The following TDP1 variants were observed in gnomAD, a reference collection of about 807,000 sequenced individuals.
TDP1 encodes tyr-DNA phosphodiesterase 1.
Under a neutral mutation model 81.5 loss-of-function variants are expected in TDP1, and 64 were observed. The ratio of observed to expected loss-of-function variants is 0.79; its 90% confidence interval spans 0.64 to 0.97. TDP1 has a LOEUF of 0.97. TDP1 is among the 50% of genes least tolerant of loss of function. The pLI, the probability that TDP1 is intolerant of heterozygous loss-of-function variation, is 0.00. For missense variants in TDP1, 723 were observed against 743.8 expected (o/e 0.97, Z 0.33); for synonymous variants, 256 against 264.3 (o/e 0.97, Z 0.30).
At chr14:89,996,894 A>G (rs955961803) in intron 14 of TDP1, among the ~76,000 whole-genome samples, 6 of 152,168 alleles carry the variant, frequency 3.9e-5, no homozygotes, top group Admixed American at 2.6e-4. Context: ...CCTCCACTCA[A>G]TGAGGAATAA....
chr14:89,981,566 C>T (rs962623916), intron 8 of TDP1: 5 of 437,996 alleles, frequency 1.1e-5, no homozygotes, highest in African/African-American at 4.1e-5. Context: ...TCCAGGTTCA[C>T]GTTTTCTCTG....
intron 5 of TDP1, among the ~76,000 whole-genome samples, chr14:89,969,927 A>G (rs1349254850): frequency 7.9e-6 from 1 of 127,230 alleles, no homozygotes; most frequent in Non-Finnish European, 1.6e-5. Context: ...CCCAGGCTGG[A>G]GTGCAGTGGC....
intron 14 of TDP1, among the ~76,000 whole-genome samples, chr14:89,998,973 T>C (rs1216622864): frequency 2.0e-5 from 3 of 152,214 alleles, no homozygotes; most frequent in African/African-American, 7.2e-5. Flanking sequence ...TTTGAATTGA[T>C]TGGAATAATT....
upstream of TDP1, chr14:89,955,379 A>C (rs1020498328): frequency 6.6e-6 from 1 of 152,258 alleles, no homozygotes; most frequent in Non-Finnish European, 1.5e-5. Context: ...ACCGAGCCCA[A>C]ATCCCACAGC....
At chr14:89,997,819 T>C (rs959233560) in intron 14 of TDP1, among the ~76,000 whole-genome samples, 4 of 152,180 alleles carry the variant, frequency 2.6e-5, no homozygotes, top group African/African-American at 9.7e-5. Context: ...GTTTTATATA[T>C]ATATTCTATT....
rs1461478366 is a variant in TDP1 at position 89,967,417 on chromosome 14, G to A, written c.654G>A (p.Glu218=). ...VDWLVKQYPP[E]FRKKPILLVH... ...GGCTCGTAAAACAGTATCCACCAGA[G>A]TTCAGGTGAGTTCCTCAGGGTGACA... Residue 218 remains glutamate (E), a synonymous_variant, in exon 5 of 17, where the codon GAG becomes GAA. Coordinates refer to ENST00000335725, the MANE Select transcript of TDP1 (RefSeq NM_018319.4). The A allele has an allele frequency of 1.2e-6, 2 of 1,613,894 alleles. No individual in the cohort carries two copies. The highest frequency in any genetic ancestry group is 2.2e-5 in the East Asian group (1 of 44,862).
chr14:90,029,697 C>G (rs1224372310), intron 15 of TDP1, among the ~76,000 whole-genome samples: 1 of 151,886 alleles, frequency 6.6e-6, no homozygotes, highest in African/African-American at 2.4e-5. Flanking sequence ...CAGGGTTTCA[C>G]TATGTTGATC....
chr14:90,025,961 G>T (rs1258699319), intron 15 of TDP1, among the ~76,000 whole-genome samples: 1 of 152,206 alleles, frequency 6.6e-6, no homozygotes. Context: ...CATCTGAGAA[G>T]CCTGGATCAG....
In TDP1 at chr14:89,985,132, T is replaced by C; in HGVS notation, c.1053T>C (p.Asn351=). 1 of 1,607,754 alleles carries C rather than the reference T, an allele frequency of 6.2e-7. No individual in the cohort carries two copies. Among genetic ancestry groups the C allele is most frequent in the African/African-American group, 1.3e-5 (1 of 74,846 alleles). The change falls in exon 10 of 17, where the codon AAT becomes AAC. Residue 351 remains asparagine (N), a splice_region_variant and synonymous_variant. Transcript: ENST00000335725. ...VIHKHDLSET[N]VYLIGSTPGR... ...AACTTGTGTTTTTATGTCTTTTTAG[T>C]GTTTATCTTATTGGTTCAACCCCAG...
At chr14:89,981,710 C>T (rs1894994207) in intron 8 of TDP1, 2 of 286,340 alleles carry the variant, frequency 7.0e-6, no homozygotes, top group Non-Finnish European at 1.4e-5. Flanking sequence ...TTTTTTGAGA[C>T]GGTCTCACTC....
intron 14 of TDP1, among the ~76,000 whole-genome samples, chr14:89,999,333 G>A (rs1437821076): frequency 6.6e-6 from 1 of 152,124 alleles, no homozygotes; most frequent in African/African-American, 2.4e-5. Context: ...ACTTGCTTTA[G>A]AATAGTGAGG....
chr14:89,957,920 G>A (rs1157216834), intron 2 of TDP1, among the ~76,000 whole-genome samples: 2 of 152,180 alleles, frequency 1.3e-5, no homozygotes, highest in South Asian at 2.1e-4. Context: ...CACTCAGCCT[G>A]GCAGAATGCA....
chr14:89,975,726 T>C, intron 6 of TDP1, 55 bp from the exon 7 acceptor site: 2 of 1,408,786 alleles, frequency 1.4e-6, no homozygotes, highest in Non-Finnish European at 2.0e-6. Context: ...TAATTTCCAG[T>C]AGATATGGAT....
chr14:89,986,832 C>A (rs1022260187), intron 10 of TDP1, among the ~76,000 whole-genome samples: 2 of 152,104 alleles, frequency 1.3e-5, no homozygotes, highest in Non-Finnish European at 2.9e-5. Context: ...AATGCCTAAC[C>A]TGTGTTAAGG....
chr14:90,027,453 G>T (rs894670889), intron 15 of TDP1, among the ~76,000 whole-genome samples: 1 of 152,038 alleles, frequency 6.6e-6, no homozygotes, highest in African/African-American at 2.4e-5. Flanking sequence ...AGCTGGAACA[G>T]CATGTCCCCC....
intron 8 of TDP1, among the ~76,000 whole-genome samples, chr14:89,981,021 T>A (rs1050806361): frequency 6.6e-6 from 1 of 152,258 alleles, no homozygotes; most frequent in Non-Finnish European, 1.5e-5. Flanking sequence ...GATCTGAACC[T>A]ATTGTTTTCC....
intron 2 of TDP1, among the ~76,000 whole-genome samples, chr14:89,961,333 A>G (rs1020996737): frequency 3.9e-5 from 6 of 152,172 alleles, no homozygotes; most frequent in Admixed American, 2.6e-4. Context: ...AGCTGCAGTC[A>G]TGGCCTGTGG....
At chr14:90,005,477 C>G (rs1413212301) in intron 14 of TDP1, among the ~76,000 whole-genome samples, 4 of 152,216 alleles carry the variant, frequency 2.6e-5, no homozygotes, top group African/African-American at 4.8e-5. Context: ...TATCATAGTT[C>G]TGTTAAAAGC....
intron 4 of TDP1, 99 bp downstream of exon 4, chr14:89,966,289 G>A: frequency 1.2e-6 from 1 of 844,618 alleles, no homozygotes. Flanking sequence ...GGGGATCTCA[G>A]TCCTGTTCAA....
Sources: allele counts gnomAD v4.1 joint callset (sites outside exome capture counted in the v4.1 genomes callset), GRCh38; gene constraint gnomAD v4.1.1; transcripts MANE v1.5; gene names NCBI Gene and HGNC (gene_info 2026-07-23, HGNC 2026-07-21).